Variants in ZFPM2 observed in about 807,000 individuals in gnomAD.
The protein encoded by ZFPM2 is zinc finger protein ZFPM2.
ZFPM2 carries 20 observed loss-of-function variants against 98.6 expected under a neutral mutation model. That is an observed-to-expected ratio of 0.20 (90% CI 0.14 to 0.29). The LOEUF is 0.29. Among genes scored for constraint, ZFPM2 ranks in the 10% least tolerant of loss-of-function variants. The pLI, the probability that ZFPM2 is intolerant of heterozygous loss-of-function variation, is 1.00. For missense variants in ZFPM2, 1,310 were observed against 1,388.6 expected, an observed-to-expected ratio of 0.94 and a Z score of 0.90; for synonymous variants, 518 against 502.7, an observed-to-expected ratio of 1.03 and a Z score of -0.41.
intron 5 of ZFPM2, among the ~76,000 whole-genome samples, chr8:105,671,078 C>T (rs999190394): frequency 1.3e-5 from 2 of 151,894 alleles, no homozygotes; most frequent in African/African-American, 4.8e-5. Flanking sequence ...ATTTTTGTTT[C>T]ACATATGTAT....
intron 3 of ZFPM2, among the ~76,000 whole-genome samples, chr8:105,490,933 T>G (rs2130431214): frequency 6.6e-6 from 1 of 152,250 alleles, no homozygotes; most frequent in South Asian, 2.1e-4. Context: ...ACTCAAAATT[T>G]TACTATTGAA....
chr8:105,585,185 C>G (rs568071738), intron 4 of ZFPM2, among the ~76,000 whole-genome samples: 2 of 152,228 alleles, frequency 1.3e-5, no homozygotes, highest in East Asian at 3.9e-4. Context: ...TTAGTGTTCC[C>G]TTTTATTTTT....
intron 4 of ZFPM2, among the ~76,000 whole-genome samples, chr8:105,565,778 C>T (rs1314827591): frequency 6.6e-6 from 1 of 152,170 alleles, no homozygotes; most frequent in Non-Finnish European, 1.5e-5. Flanking sequence ...TTAAATTAAA[C>T]AAGTAACACT....
chr8:105,444,315 G>C lies in ZFPM2; in HGVS notation c.235G>C (p.Asp79His), dbSNP rs1301868602. 2 of 1,612,312 alleles carry C rather than the reference G, an allele frequency of 1.2e-6. No individual in the cohort carries two copies. Among genetic ancestry groups the C allele is most frequent in the East Asian group, 2.2e-5 (1 of 44,820 alleles). The part of the protein sequence containing the change: ...DEGIQETAES[D>H]GDTQSEKPGQ... ...AGGAATCCAGGAGACAGCAGAATCA[G>C]ATGGGGACACACAGTCAGAGAAACC... The change falls in exon 3 of 8, where the codon GAT (aspartate) becomes CAT (histidine). Residue 79 changes from aspartate to histidine, a missense_variant. Transcript: ENST00000407775.
At chr8:105,388,312 A>G (rs1811042096) in intron 1 of ZFPM2, among the ~76,000 whole-genome samples, 1 of 152,126 alleles carries the variant, frequency 6.6e-6, no homozygotes, top group South Asian at 2.1e-4. Flanking sequence ...AGAAGAAGAA[A>G]TGGAGAGAAA....
intron 3 of ZFPM2, among the ~76,000 whole-genome samples, chr8:105,556,259 C>G (rs1213251496): frequency 7.9e-5 from 12 of 151,984 alleles, no homozygotes; most frequent in Non-Finnish European, 1.5e-5. Context: ...GAAAATTAGT[C>G]AGGATATGAG....
intron 5 of ZFPM2, among the ~76,000 whole-genome samples, chr8:105,741,314 A>G (rs1325878493): frequency 6.6e-6 from 1 of 152,100 alleles, no homozygotes; most frequent in African/African-American, 2.4e-5. Context: ...CCTATTAGGA[A>G]GTCTGATTGG....
chr8:105,535,314 G>C (rs1474428917), intron 3 of ZFPM2, among the ~76,000 whole-genome samples: 1 of 152,134 alleles, frequency 6.6e-6, no homozygotes. Context: ...ACTAGAAGCA[G>C]TCTTATTTGA....
rs1263456866 is a variant in ZFPM2 at position 105,552,735 on chromosome 8, G to T, written c.302-8628G>T. 4.0e-5 allele frequency among the ~76,000 whole-genome samples: 6 copies of T among 151,382 alleles called. No individual in the cohort carries two copies. The South Asian group carries it at 6.3e-4, about 16-fold the overall frequency. On this transcript the variant is annotated intron_variant, in intron 3 of 7. Coordinates refer to ENST00000407775, the MANE Select transcript of ZFPM2 (RefSeq NM_012082.4). ...TCTCCCAACCTTGAACATGGCCTCT[G>T]AATATAAAACTTATTTTGTATGCAG... is the stretch of plus-strand genomic sequence containing the variant.
intron 5 of ZFPM2, among the ~76,000 whole-genome samples, chr8:105,764,287 GACACACACACACAC>G (rs59943408): frequency 1.1e-3 from 153 of 139,580 alleles, no homozygotes; most frequent in South Asian, 2.2e-3. Flanking sequence ...CTCTCTCTCT[GACACACACACACAC>G]ACACACACAC....
chr8:105,360,342 TACTC>T (rs1812832552), intron 1 of ZFPM2, among the ~76,000 whole-genome samples: 1 of 152,204 alleles, frequency 6.6e-6, no homozygotes, highest in Non-Finnish European at 1.5e-5. Context: ...TTTTTATTTT[TACTC>T]ACAGTAAAAA....
chr8:105,380,123 C>T (rs1356777695), intron 1 of ZFPM2, among the ~76,000 whole-genome samples: 2 of 152,118 alleles, frequency 1.3e-5, no homozygotes, highest in African/African-American at 4.8e-5. Flanking sequence ...AATTTTGATA[C>T]AGATTTTGAC....
intron 1 of ZFPM2, among the ~76,000 whole-genome samples, chr8:105,377,219 C>G (rs996930676): frequency 6.6e-5 from 10 of 152,202 alleles, no homozygotes; most frequent in African/African-American, 2.4e-4. Context: ...AACACCTCAT[C>G]ATAGTAGCCT....
chr8:105,562,907 C>G (rs1815170015), intron 4 of ZFPM2, among the ~76,000 whole-genome samples: 1 of 152,148 alleles, frequency 6.6e-6, no homozygotes, highest in Non-Finnish European at 1.5e-5. Flanking sequence ...GCTATTCTGC[C>G]TACCACATGG....
intron 4 of ZFPM2, among the ~76,000 whole-genome samples, chr8:105,593,677 C>A (rs1416322613): frequency 6.7e-6 from 1 of 149,722 alleles, no homozygotes; most frequent in African/African-American, 2.4e-5. Flanking sequence ...AGGAAATTAT[C>A]TTTGTGCATA....
intron 5 of ZFPM2, among the ~76,000 whole-genome samples, chr8:105,682,999 G>A (rs1586195477): frequency 1.3e-5 from 2 of 152,080 alleles, no homozygotes; most frequent in Admixed American, 6.6e-5. Flanking sequence ...AGATCAAGAT[G>A]TTGTCTTCCT....
At chr8:105,593,412 C>G (rs1051185617) in intron 4 of ZFPM2, among the ~76,000 whole-genome samples, 1 of 151,802 alleles carries the variant, frequency 6.6e-6, no homozygotes, top group African/African-American at 2.4e-5. Flanking sequence ...AAATTATTAC[C>G]TTATCTGGAA....
At chr8:105,405,129 G>A (rs1253929226) in intron 1 of ZFPM2, among the ~76,000 whole-genome samples, 1 of 152,054 alleles carries the variant, frequency 6.6e-6, no homozygotes, top group African/African-American at 2.4e-5. Flanking sequence ...TAGAATTAGA[G>A]TCAAGTTTTC....
rs1814139798 is a variant in ZFPM2 at position 105,804,365 on chromosome 8, CA to C, written c.*829del. The C allele has an allele frequency of 6.6e-6, 1 of 152,528 alleles. No homozygotes were observed. Among genetic ancestry groups the C allele is most frequent in the African/African-American group, 2.4e-5 (1 of 41,424 alleles). The allele number at this position is 152,528 out of a possible 1,614,324, so 9.4% of individuals were successfully genotyped here. ...ACAGTCTAAATCGAAACCCTAAACT[CA>C]ATGCTGCAAGTATGAATTTAATTCA... On this transcript the variant is annotated 3_prime_UTR_variant, in exon 8 of 8. Transcript: ENST00000407775.
Sources: allele counts gnomAD v4.1 joint callset (sites outside exome capture counted in the v4.1 genomes callset), GRCh38; gene constraint gnomAD v4.1.1; transcripts MANE v1.5; gene names NCBI Gene and HGNC (gene_info 2026-07-23, HGNC 2026-07-21).